Variants in ZZZ3 observed in about 807,000 individuals in gnomAD.
ZZZ3 encodes zinc finger ZZ-type containing 3.
ZZZ3 carries 22 observed loss-of-function variants against 95.2 expected under a neutral mutation model. The observed-to-expected ratio is 0.23, with a 90% CI of 0.17 to 0.33. The LOEUF (loss-of-function observed/expected upper bound fraction) is 0.33. ZZZ3 is among the 10% of genes least tolerant of loss of function. The probability of loss-of-function intolerance (pLI) is 1.00; values close to 1 mark genes in which losing one functional copy is unlikely to be tolerated. For synonymous variants in ZZZ3, 335 were observed against 358.9 expected, an observed-to-expected ratio of 0.93 and a Z score of 0.75; for missense variants, 885 against 1,066.5, an observed-to-expected ratio of 0.83 and a Z score of 2.37.
At chr1:77,670,669 A>C (rs1348839016) in intron 1 of ZZZ3, among the ~76,000 whole-genome samples, 3 of 152,002 alleles carry the variant, frequency 2.0e-5, no homozygotes, top group East Asian at 3.9e-4. Flanking sequence ...ATGGATAACA[A>C]CACCTTGATG....
intron 1 of ZZZ3, among the ~76,000 whole-genome samples, chr1:77,653,297 T>C (rs1229439842): frequency 1.3e-5 from 2 of 152,076 alleles, no homozygotes; most frequent in Admixed American, 1.3e-4. Flanking sequence ...TGGTAGAAAG[T>C]GAGTGCTATA....
At chr1:77,584,693 T>C in intron 5 of ZZZ3, 38 bp from the exon 6 acceptor site, 4 of 1,508,840 alleles carry the variant, frequency 2.7e-6, no homozygotes, top group Non-Finnish European at 3.5e-6. Context: ...AAAAATTTTC[T>C]AGTAACAACA....
Position 77,639,558 on chromosome 1 carries a change from C to G in ZZZ3, c.-161G>C. On this transcript the variant is annotated 5_prime_UTR_variant, in exon 4 of 15. Coordinates refer to ENST00000370801, the MANE Select transcript of ZZZ3 (RefSeq NM_015534.6). ...AGCTTAAGCATCAGGGTTTCAGACT[C>G]TCTCAGCTTCAGCCATGAAGAATAC... 1 of 1,030,850 alleles carries G rather than the reference C, an allele frequency of 9.7e-7. No homozygotes were observed. Among genetic ancestry groups the G allele is most frequent in the Non-Finnish European group, 1.3e-6 (1 of 751,258 alleles). 63.9% of individuals were successfully genotyped at this position (1,030,850 alleles called of 1,614,324 possible). A position where few individuals can be genotyped will look rare whatever the true frequency, so the allele number is the denominator to read the frequency against.
chr1:77,577,512 C>T (rs1051814092), intron 11 of ZZZ3, among the ~76,000 whole-genome samples: 3 of 151,768 alleles, frequency 2.0e-5, no homozygotes, highest in Non-Finnish European at 2.9e-5. Flanking sequence ...TTCCAAAGCT[C>T]GGTTAAAAAA....
intron 5 of ZZZ3, among the ~76,000 whole-genome samples, chr1:77,605,709 A>G (rs1010284971): frequency 6.6e-6 from 1 of 152,088 alleles, no homozygotes; most frequent in African/African-American, 2.4e-5. Context: ...ATAGCTCCCA[A>G]ATAACATTTC....
intron 1 of ZZZ3, among the ~76,000 whole-genome samples, chr1:77,651,233 A>T (rs1354054074): frequency 6.6e-6 from 1 of 152,072 alleles, no homozygotes; most frequent in African/African-American, 2.4e-5. Context: ...AAAATAAACA[A>T]CATTAGTTGG....
At chr1:77,654,185 C>CAAAAAAAAAAAAA in intron 1 of ZZZ3, among the ~76,000 whole-genome samples, 1 of 66,344 alleles carries the variant, frequency 1.5e-5, no homozygotes, top group Non-Finnish European at 3.1e-5. Flanking sequence ...GACTCCATCT[C>CAAAAAAAAAAAAA]AAAAAAAAAA....
chr1:77,621,625 G>A (rs1263865472), intron 5 of ZZZ3, among the ~76,000 whole-genome samples: 1 of 151,366 alleles, frequency 6.6e-6, no homozygotes, highest in African/African-American at 2.4e-5. Flanking sequence ...AGACCAGCCT[G>A]GGCAACATGA....
intron 1 of ZZZ3, among the ~76,000 whole-genome samples, chr1:77,680,114 C>T (rs536536134): frequency 2.8e-4 from 42 of 152,238 alleles, no homozygotes; most frequent in African/African-American, 9.9e-4. Flanking sequence ...AATAATAAAA[C>T]GTACTTAACA....
intron 1 of ZZZ3, among the ~76,000 whole-genome samples, chr1:77,644,546 G>A (rs952576695): frequency 2.0e-5 from 3 of 152,178 alleles, no homozygotes; most frequent in African/African-American, 4.8e-5. Context: ...CCAATAGAAA[G>A]ACAATAGGAA....
intron 5 of ZZZ3, among the ~76,000 whole-genome samples, chr1:77,615,588 A>C (rs137995035): frequency 1.0e-3 from 152 of 152,370 alleles, no homozygotes; most frequent in African/African-American, 3.4e-3. Flanking sequence ...ATGAAAGGAC[A>C]TAAGTTTCAC....
intron 4 of ZZZ3, among the ~76,000 whole-genome samples, chr1:77,634,953 AG>A (rs1398240813): frequency 6.6e-6 from 1 of 152,170 alleles, no homozygotes; most frequent in Admixed American, 6.5e-5. Context: ...TGGTGGCAAT[AG>A]TGCAAAGTTT....
intron 1 of ZZZ3, among the ~76,000 whole-genome samples, chr1:77,664,609 C>T (rs894014008): frequency 6.6e-6 from 1 of 152,132 alleles, no homozygotes; most frequent in Admixed American, 6.6e-5. Flanking sequence ...TTAAGCAGCT[C>T]ACACTATAGG....
At chr1:77,622,423 A>T (rs1666969997) in intron 5 of ZZZ3, among the ~76,000 whole-genome samples, 1 of 151,982 alleles carries the variant, frequency 6.6e-6, no homozygotes, top group Non-Finnish European at 1.5e-5. Context: ...AATGGTAAAA[A>T]TTAAAGTACA....
At position 77,564,787 on chromosome 1, in the gene ZZZ3, T is replaced by C. The variant is rs560570759; in HGVS notation, c.*853A>G. ...TATTACCATATATATGATTTTTATA[T>C]TAGGCAGTTTTCTTTGATGAGTTGT... On this transcript the variant is annotated 3_prime_UTR_variant, in exon 15 of 15. Transcript: ENST00000370801. 6.5e-6 allele frequency: 1 copy of C among 152,708 alleles called. No homozygotes were observed. Among genetic ancestry groups the C allele is most frequent in the Admixed American group, 6.5e-5 (1 of 15,298 alleles). 9.5% of individuals were successfully genotyped at this position (152,708 alleles called of 1,614,324 possible). A position where few individuals can be genotyped will look rare whatever the true frequency, so the allele number is the denominator to read the frequency against.
At chr1:77,653,370 C>T (rs1047570189) in intron 1 of ZZZ3, among the ~76,000 whole-genome samples, 6 of 152,098 alleles carry the variant, frequency 3.9e-5, no homozygotes, top group African/African-American at 1.4e-4. Flanking sequence ...TGATGGTTGT[C>T]CTACTTTGTA....
intron 5 of ZZZ3, among the ~76,000 whole-genome samples, chr1:77,608,096 T>C (rs1046252265): frequency 6.6e-6 from 1 of 152,080 alleles, no homozygotes; most frequent in African/African-American, 2.4e-5. Context: ...AGAAAGTTTA[T>C]TCAAAGGGAT....
intron 1 of ZZZ3, among the ~76,000 whole-genome samples, chr1:77,646,005 C>T (rs1002697668): frequency 2.7e-5 from 4 of 150,614 alleles, no homozygotes; most frequent in East Asian, 2.0e-4. Flanking sequence ...ATTCAATAAA[C>T]TTGGAATGGA....
intron 1 of ZZZ3, among the ~76,000 whole-genome samples, chr1:77,656,124 C>T (rs887117663): frequency 2.0e-5 from 3 of 152,130 alleles, no homozygotes; most frequent in African/African-American, 7.2e-5. Flanking sequence ...CAAATGTTTC[C>T]CTTTCATCAA....
Sources: gnomAD v4.1 joint callset for allele counts (sites outside exome capture counted in the v4.1 genomes callset) on GRCh38, gnomAD v4.1.1 for gene constraint, MANE v1.5 for transcripts, NCBI Gene and HGNC (gene_info 2026-07-23, HGNC 2026-07-21) for gene names.